The following CEACAM3 variants were observed in gnomAD, a reference collection of about 807,000 sequenced individuals.
CEACAM3 encodes the protein cell adhesion molecule CEACAM3.
A neutral mutation model predicts 30.1 loss-of-function variants in CEACAM3; 32 were observed. The observed-to-expected ratio is 1.06, with a 90% CI of 0.80 to 1.43. The LOEUF (loss-of-function observed/expected upper bound fraction) is 1.43. CEACAM3 is among the 40% of genes most tolerant of loss of function. The probability of loss-of-function intolerance (pLI) is 0.00; values close to 1 mark genes in which losing one functional copy is unlikely to be tolerated. For missense variants in CEACAM3, 290 were observed against 316.3 expected (o/e 0.92, Z 0.63); for synonymous variants, 134 against 127.2 (o/e 1.05, Z -0.36).
rs1403378392 is a variant in CEACAM3, at chr19:41,810,422, C to A, written c.627+68C>A. ...CTGTGCAGGCTCTGGGCAGAGGGACCATCAGCCCCCCAGCACAGAACAGAC... is the reference window on the plus strand; with the variant it reads ...CTGTGCAGGCTCTGGGCAGAGGGACAATCAGCCCCCCAGCACAGAACAGAC... On this transcript the variant is annotated intron_variant, in intron 5 of 6. Transcript: ENST00000357396. 3.3e-5 allele frequency: 49 copies of A among 1,498,118 alleles called. No individual in the cohort carries two copies. The Middle Eastern group carries it at 1.0e-3, about 31-fold the overall frequency. The allele number at this position is 1,498,118 out of a possible 1,614,324, so 92.8% of individuals were successfully genotyped here. A position where few individuals can be genotyped will look rare whatever the true frequency, so the allele number is the denominator to read the frequency against.
In CEACAM3 at chr19:41,810,349, T is replaced by A; in HGVS notation, c.622T>A (p.Phe208Ile). The change falls in exon 5 of 7, where the codon TTC (phenylalanine) becomes ATC (isoleucine). Residue 208 changes from phenylalanine (F) to isoleucine (I), a missense_variant. Transcript: ENST00000357396. The stretch of plus-strand genomic sequence containing the variant: ...CCGTGGTCCCTCCCACAGCTCTGCC[T>A]TCTCGGTAAGCCTGTCCCCTTCCAG... The part of the protein sequence containing the change: ...PGRGPSHSSA[F>I]SMSPLSTAQA... 1 of 1,603,650 alleles carries A rather than the reference T, an allele frequency of 6.2e-7. No homozygotes were observed. Among genetic ancestry groups the A allele is most frequent in the South Asian group, 1.1e-5 (1 of 88,634 alleles).
At chr19:41,806,999 T>C in intron 2 of CEACAM3, 1 of 1,545,456 alleles carries the variant, frequency 6.5e-7, no homozygotes, top group Non-Finnish European at 8.8e-7. Flanking sequence ...GTCTTGGTCT[T>C]TTAAGGAGTG....
intron 2 of CEACAM3, among the ~76,000 whole-genome samples, chr19:41,799,750 C>G (rs1600515232): frequency 6.6e-6 from 1 of 152,178 alleles, no homozygotes; most frequent in South Asian, 2.1e-4. Flanking sequence ...CAGTAGTTCT[C>G]TGACGAAGGA....
chr19:41,811,097 G>A (rs1176727123), intron 6 of CEACAM3, 75 bp from the exon 7 acceptor site: 3 of 1,524,854 alleles, frequency 2.0e-6, no homozygotes, highest in African/African-American at 1.4e-5. Flanking sequence ...CCCTGGATGG[G>A]CCCAGAGCCT....
intron 2 of CEACAM3, among the ~76,000 whole-genome samples, chr19:41,801,650 C>G (rs187979826): frequency 1.1e-3 from 169 of 152,244 alleles, no homozygotes; most frequent in African/African-American, 3.7e-3. Context: ...ATGGGGAAAG[C>G]TGATTGGTTG....
rs199568678 is a variant in CEACAM3 at position 41,797,734 on chromosome 19, G to A, written c.210G>A (p.Gly70=). 1.2e-4 allele frequency: 201 copies of A among 1,613,870 alleles called. No homozygotes were observed. The African/African-American group carries it at 2.2e-3, about 18-fold the overall frequency. Residue 70 remains glycine (G), a synonymous_variant, in exon 2 of 7, where the codon GGG becomes GGA. Transcript: ENST00000357396. ...QHLFGYSWYK[G]ERVDGNSLIV... ...TTTTTGGCTACAGCTGGTACAAAGG[G>A]GAAAGAGTGGATGGCAACAGTCTAA...
intron 2 of CEACAM3, chr19:41,807,175 G>A (rs2073209353): frequency 6.7e-7 from 1 of 1,492,954 alleles, no homozygotes; most frequent in Non-Finnish European, 9.0e-7. Context: ...AGGATGCTGT[G>A]GCCTTCACCT....
intron 2 of CEACAM3, among the ~76,000 whole-genome samples, chr19:41,800,656 A>G (rs782237209): frequency 7.9e-5 from 12 of 152,144 alleles, no homozygotes; most frequent in Non-Finnish European, 1.5e-4. Context: ...TGCAGAAATA[A>G]TGGCATAAGC....
chr19:41,810,417 G>A (rs1325353597), intron 5 of CEACAM3, 63 bp downstream of exon 5: 1 of 1,508,434 alleles, frequency 6.6e-7, no homozygotes, highest in Admixed American at 2.0e-5. Context: ...TCTGGGCAGA[G>A]GGACCATCAG....
chr19:41,805,285 C>CTTTTTTTTTTTTTTTTTTTT (rs782317671), intron 2 of CEACAM3, among the ~76,000 whole-genome samples: 7 of 105,026 alleles, frequency 6.7e-5, no homozygotes, highest in African/African-American at 1.8e-4. Flanking sequence ...CTTTTTTCTT[C>CTTTTTTTTTTTTTTTTTTTT]TTTTTTTTTT....
chr19:41,797,469 G>A lies in CEACAM3; in HGVS notation c.65-120G>A, dbSNP rs936601935. 1.9e-5 allele frequency: 25 copies of A among 1,328,076 alleles called. No homozygotes were observed. The African/African-American group carries it at 3.2e-4, about 17-fold the overall frequency. The allele number at this position is 1,328,076 out of a possible 1,614,324, so 82.3% of individuals were successfully genotyped here. On this transcript the variant is annotated intron_variant, in intron 1 of 6. Transcript: ENST00000357396. ...AGGTCACGTTACTGACCTTGACCAA[G>A]TGGGACACACATACACTCTCCAAGG...
chr19:41,802,009 A>T (rs7251154), intron 2 of CEACAM3, among the ~76,000 whole-genome samples: 2 of 151,960 alleles, frequency 1.3e-5, no homozygotes, highest in Non-Finnish European at 2.9e-5. Context: ...AATTTTTCCC[A>T]TGGTTAGCCT....
chr19:41,809,978 C>T lies in CEACAM3; in HGVS notation c.556C>T (p.Arg186Cys), dbSNP rs782030023. 21 of 1,613,830 alleles carry T rather than the reference C, an allele frequency of 1.3e-5. No homozygotes were observed. The South Asian group carries it at 1.3e-4, about 10-fold the overall frequency. ...GACCTTTCCTAGAACCAGCATCCAG[C>T]GTGACCTCAAGGAGCAGCAGCCCCA... The part of the protein sequence containing the change: ...LAKTGRTSIQ[R>C]DLKEQQPQAL... The change falls in exon 4 of 7, where the codon CGT (arginine) becomes TGT (cysteine). Residue 186 changes from arginine (R) to cysteine (C), a missense_variant. By Grantham distance (180) the Arg-to-Cys change is radical (BLOSUM62 -3). Transcript: ENST00000357396.
intron 2 of CEACAM3, chr19:41,807,738 G>T: frequency 1.6e-6 from 1 of 619,776 alleles, no homozygotes; most frequent in Non-Finnish European, 2.4e-6. Flanking sequence ...CCTTCCCTTT[G>T]ATGATATCAT....
intron 2 of CEACAM3, among the ~76,000 whole-genome samples, chr19:41,803,461 G>GT (rs797042257): frequency 4.0e-5 from 3 of 74,150 alleles, no homozygotes; most frequent in Non-Finnish European, 1.1e-4. Context: ...TGTGTGTGTT[G>GT]TTTTGTTTGT....
At chr19:41,809,861 C>A in intron 3 of CEACAM3, 104 bp from the exon 4 acceptor site, 1 of 1,135,890 alleles carries the variant, frequency 8.8e-7, no homozygotes, top group Non-Finnish European at 1.3e-6. Context: ...AGGAGGTCTC[C>A]ATGCCCATCC....
intron 2 of CEACAM3, chr19:41,807,342 A>G: frequency 6.2e-7 from 1 of 1,606,798 alleles, no homozygotes; most frequent in Non-Finnish European, 8.5e-7. Context: ...GAAATACCGA[A>G]CCCAGTGGGT....
In CEACAM3 at chr19:41,807,171, C is replaced by T. The variant is rs782652309; in HGVS notation, c.425-1642C>T. On this transcript the variant is annotated intron_variant, in intron 2 of 6. Coordinates refer to ENST00000357396, the MANE Select transcript of CEACAM3 (RefSeq NM_001815.5). ...TCCAACCCCAAGGAGGACAAGGATG[C>T]TGTGGCCTTCACCTGTGAACCTGAG... 32 of 1,505,594 alleles carry T rather than the reference C, an allele frequency of 2.1e-5. No homozygotes were observed. The East Asian group carries it at 5.4e-4, about 25-fold the overall frequency. 93.3% of individuals were successfully genotyped at this position (1,505,594 alleles called of 1,614,324 possible).
In CEACAM3 at chr19:41,808,940, C is replaced by G; in HGVS notation, c.542+10C>G. ...TTGCCAAAACTGGAAGGTACCACAG[C>G]TTTTTCCCATCCTTCTCCCACCCCC... is the stretch of plus-strand genomic sequence containing the variant. On this transcript the variant is annotated intron_variant, in intron 3 of 6. Coordinates refer to ENST00000357396, the MANE Select transcript of CEACAM3 (RefSeq NM_001815.5). 1 of 1,548,362 alleles carries G rather than the reference C, an allele frequency of 6.5e-7. No homozygotes were observed. Among genetic ancestry groups the G allele is most frequent in the Non-Finnish European group, 8.7e-7 (1 of 1,145,568 alleles).
Sources: allele counts gnomAD v4.1 joint callset (sites outside exome capture counted in the v4.1 genomes callset), GRCh38; gene constraint gnomAD v4.1.1; transcripts MANE v1.5; gene names NCBI Gene and HGNC (gene_info 2026-07-23, HGNC 2026-07-21).